ABCA5: variants seen among roughly 807,000 people sequenced by gnomAD.
ABCA5 encodes the protein cholesterol transporter ABCA5.
ABCA5 carries 163 observed loss-of-function variants against 206.0 expected under a neutral mutation model. The observed-to-expected ratio is 0.79, with a 90% CI of 0.70 to 0.90. The LOEUF is 0.90. Among genes scored for constraint, ABCA5 ranks in the 40% least tolerant of loss-of-function variants. The pLI is 0.00. For synonymous variants in ABCA5, 609 were observed against 613.8 expected (o/e 0.99, Z 0.11); for missense variants, 1,859 against 1,912.9 (o/e 0.97, Z 0.53).
chr17:69,287,497 G>C, intron 15 of ABCA5, 116 bp downstream of exon 15: 1 of 1,344,898 alleles, frequency 7.4e-7, no homozygotes, highest in Non-Finnish European at 9.8e-7. Flanking sequence ...TTTTTGTGAA[G>C]GAAACATACC....
chr17:69,278,371 C>T (rs906797071), intron 18 of ABCA5, among the ~76,000 whole-genome samples: 1 of 152,162 alleles, frequency 6.6e-6, no homozygotes, highest in African/African-American at 2.4e-5. Flanking sequence ...GCATCATATC[C>T]TGATCATACA....
intron 31 of ABCA5, 110 bp downstream of exon 31, chr17:69,255,429 ATTCT>A: frequency 1.6e-6 from 1 of 639,004 alleles, no homozygotes. Flanking sequence ...TGTACAAAAA[ATTCT>A]AAAAATATAC....
intron 24 of ABCA5, among the ~76,000 whole-genome samples, chr17:69,262,977 C>G (rs117185549): frequency 0.042 from 6,464 of 152,240 alleles, 184 homozygotes; most frequent in Non-Finnish European, 0.066. Flanking sequence ...TTACATTTCT[C>G]TGATGATTAG....
rs372064747 is a variant in ABCA5, at chr17:69,309,404, A to T, written c.327T>A (p.Tyr109Ter). 6.3e-7 allele frequency: 1 copy of T among 1,578,890 alleles called. No homozygotes were observed. Among genetic ancestry groups the T allele is most frequent in the African/African-American group, 1.4e-5 (1 of 72,788 alleles). Residue 109 changes from tyrosine (Y) to a stop codon, truncating the protein, a stop_gained, in exon 4 of 39, where the codon TAT (tyrosine) becomes TAA (stop). Transcript: ENST00000392676. LOFTEE classifies it high-confidence loss of function. The stretch of plus-strand genomic sequence containing the variant: ...ATGTTAACATTTCTTTTTCATTTGT[A>T]TATTCTTCAGTAATTATGACTGTAA... ...HLPDVIITEE[Y>*]TNEKEMLTSS...
At chr17:69,304,948 G>A (rs1045103004) in intron 6 of ABCA5, 138 bp from the exon 7 acceptor site, 1 of 666,254 alleles carries the variant, frequency 1.5e-6, no homozygotes, top group African/African-American at 1.9e-5. Flanking sequence ...GTATGCTTAT[G>A]TACTAAAAAT....
intron 24 of ABCA5, among the ~76,000 whole-genome samples, chr17:69,262,671 T>C (rs943410708): frequency 7.9e-5 from 12 of 152,346 alleles, no homozygotes; most frequent in Admixed American, 2.0e-4. Flanking sequence ...TCTTTGCTAT[T>C]GTGAATAGTG....
At chr17:69,273,549 G>A (rs993963238) in intron 20 of ABCA5, among the ~76,000 whole-genome samples, 7 of 151,412 alleles carry the variant, frequency 4.6e-5, no homozygotes, top group South Asian at 4.2e-4. Flanking sequence ...TCCGCCTCCC[G>A]GGTTCAAGCG....
intron 22 of ABCA5, among the ~76,000 whole-genome samples, 166 bp from the exon 23 acceptor site, chr17:69,268,222 T>G (rs1381470061): frequency 1.3e-5 from 2 of 152,066 alleles, no homozygotes; most frequent in African/African-American, 4.8e-5. Flanking sequence ...GGCAGATGTA[T>G]TAACAGGTGG....
intron 9 of ABCA5, among the ~76,000 whole-genome samples, chr17:69,300,673 T>C (rs2075642950): frequency 6.6e-6 from 1 of 152,164 alleles, no homozygotes; most frequent in African/African-American, 2.4e-5. Flanking sequence ...ACAGTACAGG[T>C]GTAGAATACA....
chr17:69,297,467 G>A (rs556715805), intron 9 of ABCA5, 108 bp from the exon 10 acceptor site: 111 of 895,058 alleles, frequency 1.2e-4, no homozygotes, highest in Middle Eastern at 3.4e-4. Flanking sequence ...GTACCATTCC[G>A]CAACATATAT....
At position 69,249,927 on chromosome 17, in the gene ABCA5, T is replaced by C; in HGVS notation, c.4743A>G (p.Gln1581=). 1.3e-6 allele frequency: 2 copies of C among 1,549,798 alleles called. No homozygotes were observed. Among genetic ancestry groups the C allele is most frequent in the Admixed American group, 2.1e-5 (1 of 48,120 alleles). ...TACCTTCTTCCAGCTTAAAAAAAGA[T>C]TGTGAAAGGGACTGAACATCTTCCT... ...IPKEDVQSLS[Q]SFFKLEEAKH... Residue 1581 remains glutamine (Q), a synonymous_variant, in exon 37 of 39, where the codon CAA becomes CAG. Coordinates refer to ENST00000392676, the MANE Select transcript of ABCA5 (RefSeq NM_172232.4).
At position 69,271,290 on chromosome 17, in the gene ABCA5, C is replaced by A. The variant is rs1183044444; in HGVS notation, c.2765-1G>T. ...CTAATAAGATCACTGATATCTGAGT[C>A]TGGTGTTAGAAAATAAGCAAATAAT... On this transcript the variant is annotated splice_acceptor_variant, in intron 20 of 38. Coordinates refer to ENST00000392676, the MANE Select transcript of ABCA5 (RefSeq NM_172232.4). LOFTEE classifies it high-confidence loss of function. 1.1e-5 allele frequency: 17 copies of A among 1,605,610 alleles called. No individual in the cohort carries two copies. Among genetic ancestry groups the A allele is most frequent in the Non-Finnish European group, 1.4e-5 (17 of 1,176,960 alleles).
rs141782210 is a variant in ABCA5, at chr17:69,305,959, T to C, written c.788+766A>G. ...TATGTTATATACAATAATTCCATTATGTAAAGTGTTAATGATTAATTGTTA... is the reference window on the plus strand; with the variant it reads ...TATGTTATATACAATAATTCCATTACGTAAAGTGTTAATGATTAATTGTTA... On this transcript the variant is annotated intron_variant, in intron 6 of 38. Transcript: ENST00000392676. Among the ~76,000 whole-genome samples the C allele has an allele frequency of 3.3e-5, 5 of 152,356 alleles. No individual in the cohort carries two copies. In the East Asian group the frequency reaches 5.8e-4, roughly 18 times the overall value.
At chr17:69,318,948 C>G in intron 1 of ABCA5, 1 of 602,680 alleles carries the variant, frequency 1.7e-6, no homozygotes, top group Non-Finnish European at 3.1e-6. Context: ...ATGTTAGAAG[C>G]CTTGGAACAA....
chr17:69,301,122 A>G lies in ABCA5; in HGVS notation c.1267+17T>C, dbSNP rs1171172348. 6 of 1,490,228 alleles carry G rather than the reference A, an allele frequency of 4.0e-6. No individual in the cohort carries two copies. The highest frequency in any genetic ancestry group is 1.5e-5 in the African/African-American group (1 of 68,948). 92.3% of individuals were successfully genotyped at this position (1,490,228 alleles called of 1,614,324 possible). A position where few individuals can be genotyped will look rare whatever the true frequency, so the allele number is the denominator to read the frequency against. ...CCTAAAAATCTTTAAAGTAAAATTC[A>G]AAAACCATCTGCATACCTGGAATGA... On this transcript the variant is annotated intron_variant, in intron 9 of 38. Transcript: ENST00000392676.
At chr17:69,285,263 G>T (rs1317640760) in intron 17 of ABCA5, 1 of 152,062 alleles carries the variant, frequency 6.6e-6, no homozygotes, top group Non-Finnish European at 1.5e-5. Context: ...AGAATGATAG[G>T]CAGAGTGCAT....
At position 69,318,411 on chromosome 17, in the gene ABCA5, C is replaced by G. The variant is rs545460348; in HGVS notation, c.-15-3981G>C. 3.3e-5 allele frequency among the ~76,000 whole-genome samples: 5 copies of G among 152,126 alleles called. No homozygotes were observed. The East Asian group carries it at 9.7e-4, about 29-fold the overall frequency. On this transcript the variant is annotated intron_variant, in intron 1 of 38. Coordinates refer to ENST00000392676, the MANE Select transcript of ABCA5 (RefSeq NM_172232.4). ...TGCCTGGTCCATAATTTTTGAGAGGCAGTTTGTCTTTTCCAGTAAATATAT... is the reference window on the plus strand; with the variant it reads ...TGCCTGGTCCATAATTTTTGAGAGGGAGTTTGTCTTTTCCAGTAAATATAT...
rs2074950041 is a variant in ABCA5 at position 69,246,310 on chromosome 17, A to G, written c.*1227T>C. ...AATACAATAATCACACTCTCAATAT[A>G]TTTGTTTTATGAAGTTAATACTTTC... On this transcript the variant is annotated 3_prime_UTR_variant, in exon 39 of 39. Coordinates refer to ENST00000392676, the MANE Select transcript of ABCA5 (RefSeq NM_172232.4). The G allele has an allele frequency of 6.6e-6, 1 of 151,952 alleles. No individual in the cohort carries two copies. Among genetic ancestry groups the G allele is most frequent in the Non-Finnish European group, 1.5e-5 (1 of 67,816 alleles). 9.4% of individuals were successfully genotyped at this position (151,952 alleles called of 1,614,324 possible).
chr17:69,255,814 A>G lies in ABCA5; in HGVS notation c.3895T>C (p.Tyr1299His), dbSNP rs755233645. ...SIMVSNLHKE[Y>H]DDKKDFLLSR... ...AGAAGAAAATCTTTCTTGTCATCAT[A>G]TTCTTTATGCAAATTGCTGACCATA... is the stretch of plus-strand genomic sequence containing the variant. The change falls in exon 30 of 39, where the codon TAT becomes CAT. Residue 1299 changes from tyrosine (Y) to histidine (H), a missense_variant. Coordinates refer to ENST00000392676, the MANE Select transcript of ABCA5 (RefSeq NM_172232.4). 1.6e-5 allele frequency: 25 copies of G among 1,587,872 alleles called. No homozygotes were observed. The highest frequency in any genetic ancestry group is 1.7e-6 in the Non-Finnish European group (2 of 1,167,486).
Sources: allele counts gnomAD v4.1 joint callset (sites outside exome capture counted in the v4.1 genomes callset), GRCh38; gene constraint gnomAD v4.1.1; transcripts MANE v1.5; gene names NCBI Gene and HGNC (gene_info 2026-07-23, HGNC 2026-07-21).